ALLC: variants seen among roughly 807,000 people sequenced by gnomAD.
ALLC encodes probable inactive allantoicase.
ALLC carries 40 observed loss-of-function variants against 45.0 expected under a neutral mutation model. The observed-to-expected ratio is 0.89, with a 90% CI of 0.69 to 1.16. ALLC has a LOEUF of 1.16. Ranked by LOEUF, ALLC falls within the 50% of genes most tolerant of loss-of-function variation. The probability of loss-of-function intolerance (pLI) is 0.00; values close to 1 mark genes in which losing one functional copy is unlikely to be tolerated. For synonymous variants in ALLC, 176 were observed against 178.1 expected (o/e 0.99, Z 0.09); for missense variants, 488 against 493.1 (o/e 0.99, Z 0.10).
intron 2 of ALLC, among the ~76,000 whole-genome samples, chr2:3,672,257 G>A (rs1445937873): frequency 8.4e-6 from 1 of 118,916 alleles, no homozygotes; most frequent in Non-Finnish European, 1.8e-5. Flanking sequence ...TTAGATGGGA[G>A]GTCCTCTGGC....
intron 1 of ALLC, among the ~76,000 whole-genome samples, chr2:3,670,544 C>A (rs1290357722): frequency 2.0e-5 from 3 of 152,154 alleles, no homozygotes; most frequent in Non-Finnish European, 4.4e-5. Flanking sequence ...CCGCATGGCC[C>A]CGAATCTCCC....
chr2:3,695,361 T>C, intron 7 of ALLC: 3 of 251,534 alleles, frequency 1.2e-5, no homozygotes, highest in Non-Finnish European at 2.3e-5. Context: ...TGATTAGAGC[T>C]CTGGAGTAAA....
chr2:3,660,146 G>A (rs548224395), intron 1 of ALLC, among the ~76,000 whole-genome samples: 1 of 152,272 alleles, frequency 6.6e-6, no homozygotes, highest in Admixed American at 6.5e-5. Context: ...GTGCCGTTCT[G>A]GAGGTGGTGA....
At chr2:3,650,359 C>T in the ALLC span, among the ~76,000 whole-genome samples, 8 of 152,322 alleles carry the variant, frequency 5.3e-5, no homozygotes, top group East Asian at 5.8e-4. Context: ...TGTCTGTGGC[C>T]GGCCACCGGG....
intron 2 of ALLC, among the ~76,000 whole-genome samples, chr2:3,673,799 G>T (rs1184500552): frequency 6.6e-6 from 1 of 152,146 alleles, no homozygotes; most frequent in African/African-American, 2.4e-5. Flanking sequence ...AAGAAAGTTG[G>T]TTTATTTGCT....
the ALLC span, among the ~76,000 whole-genome samples, chr2:3,651,438 T>TGTGTTA: frequency 3.5e-5 from 2 of 57,722 alleles, no homozygotes; most frequent in East Asian, 2.6e-4. Flanking sequence ...TGTGTGTGTG[T>TGTGTTA]GTGTTAGGAA....
intron 3 of ALLC, among the ~76,000 whole-genome samples, chr2:3,676,929 A>G (rs1466014460): frequency 6.6e-6 from 1 of 152,048 alleles, no homozygotes; most frequent in Non-Finnish European, 1.5e-5. Context: ...CTGGGACTAC[A>G]GGCACCCGCC....
At chr2:3,668,595 A>G (rs1426328355) in intron 1 of ALLC, among the ~76,000 whole-genome samples, 4 of 33,158 alleles carry the variant, frequency 1.2e-4, no homozygotes, top group Non-Finnish European at 1.6e-4. Flanking sequence ...TTTTTTTTTG[A>G]GATGGAGTCT....
At chr2:3,663,230 A>C (rs1666619244) in intron 1 of ALLC, among the ~76,000 whole-genome samples, 1 of 152,214 alleles carries the variant, frequency 6.6e-6, no homozygotes. Context: ...TATACCATGG[A>C]ATACTATGCA....
chr2:3,680,987 A>T lies in ALLC; in HGVS notation c.299-647A>T, dbSNP rs561621313. Among the ~76,000 whole-genome samples the T allele has an allele frequency of 6.6e-5, 10 of 152,036 alleles. No individual in the cohort carries two copies. The East Asian group carries it at 1.2e-3, about 18-fold the overall frequency. On this transcript the variant is annotated intron_variant, in intron 5 of 11. Coordinates refer to ENST00000252505, the MANE Select transcript of ALLC (RefSeq NM_018436.4). This position sits in a 1 kb window ranked among gnomAD's most constrained non-coding sequence, Gnocchi z 4.0. The stretch of plus-strand genomic sequence containing the variant: ...TCTGATGTTGACTTTAGCATTAATT[A>T]AAAAAAATATACAATTATGTGTGTG...
chr2:3,686,713 G>T (rs1027300075), intron 7 of ALLC, among the ~76,000 whole-genome samples: 1 of 150,946 alleles, frequency 6.6e-6, no homozygotes, highest in African/African-American at 2.4e-5. Flanking sequence ...TTGTATATGC[G>T]ATTGCCTTCT....
rs13383290 is a variant in ALLC at position 3,687,659 on chromosome 2, A to C, written c.511+4585A>C. On this transcript the variant is annotated intron_variant, in intron 7 of 11. Transcript: ENST00000252505. ...AAGGTTTTCTATTTCTTCATGGTTC[A>C]ATCTTGGTAGATTGTATGTGTCCAG... Among the ~76,000 whole-genome samples, 1,331 of 151,104 alleles carry C rather than the reference A, an allele frequency of 8.8e-3. 35 individuals carry two copies. Among genetic ancestry groups the C allele is most frequent in the African/African-American group, 0.029 (1,216 of 41,456 alleles).
intron 3 of ALLC, among the ~76,000 whole-genome samples, chr2:3,676,434 G>A (rs1405938329): frequency 6.6e-5 from 10 of 152,104 alleles, no homozygotes; most frequent in East Asian, 2.0e-4. Context: ...TGTGCCCAGC[G>A]AATTTTTAAA....
At chr2:3,661,370 T>C (rs945718364) in intron 1 of ALLC, among the ~76,000 whole-genome samples, 1 of 152,168 alleles carries the variant, frequency 6.6e-6, no homozygotes, top group Non-Finnish European at 1.5e-5. Context: ...CAGAAAAGCC[T>C]CAAGCAGGGG....
At chr2:3,696,938 ACT>A (rs1191944683) in intron 9 of ALLC, among the ~76,000 whole-genome samples, 1 of 152,148 alleles carries the variant, frequency 6.6e-6, no homozygotes, top group Non-Finnish European at 1.5e-5. Flanking sequence ...CAATGAACAG[ACT>A]CTCCGTTCTC....
At chr2:3,671,819 C>T (rs1666882122) in intron 2 of ALLC, among the ~76,000 whole-genome samples, 1 of 141,732 alleles carries the variant, frequency 7.1e-6, no homozygotes, top group Non-Finnish European at 1.5e-5. Context: ...ATGGGAGGTC[C>T]TCTGGCTCTG....
intron 1 of ALLC, among the ~76,000 whole-genome samples, chr2:3,659,174 C>T (rs970405497): frequency 1.3e-5 from 2 of 152,150 alleles, no homozygotes; most frequent in South Asian, 2.1e-4. Context: ...TTCTTCTTTA[C>T]GAGGGAGTAA....
intron 2 of ALLC, 32 bp from the exon 3 acceptor site, chr2:3,674,043 C>G: frequency 6.9e-7 from 1 of 1,453,266 alleles, no homozygotes; most frequent in Non-Finnish European, 9.4e-7. Context: ...TTTATGGTTG[C>G]TTTATCTTTC....
At chr2:3,698,113 C>T (rs191916778) in intron 10 of ALLC, among the ~76,000 whole-genome samples, 11 of 151,818 alleles carry the variant, frequency 7.2e-5, no homozygotes, top group Middle Eastern at 3.4e-3. Context: ...TACAGGTGCC[C>T]GCCATCATGC....
Sources: allele counts gnomAD v4.1 joint callset (sites outside exome capture counted in the v4.1 genomes callset), GRCh38; gene constraint gnomAD v4.1.1; non-coding constraint Gnocchi (gnomAD v3.1); transcripts MANE v1.5; gene names NCBI Gene and HGNC (gene_info 2026-07-23, HGNC 2026-07-21).